Variants in WDR70 observed in about 807,000 individuals in gnomAD.
WDR70 encodes WD repeat-containing protein 70.
Under a neutral mutation model 88.6 loss-of-function variants are expected in WDR70, and 53 were observed. That is an observed-to-expected ratio of 0.60 (90% CI 0.48 to 0.75). The LOEUF (loss-of-function observed/expected upper bound fraction) is 0.75, where lower values mean the gene tolerates loss of function less well. WDR70 is among the 30% of genes least tolerant of loss of function. The pLI is 0.00. For missense variants in WDR70, 610 were observed against 823.2 expected, an observed-to-expected ratio of 0.74 and a Z score of 3.17; for synonymous variants, 280 against 270.0, an observed-to-expected ratio of 1.04 and a Z score of -0.36.
rs182797789 is a variant in WDR70, at chr5:37,710,533, T to C, written c.1416+7446T>C. Among the ~76,000 whole-genome samples the C allele has an allele frequency of 2.1e-3, 323 of 152,298 alleles. 3 individuals carry two copies. Among genetic ancestry groups the C allele is most frequent in the African/African-American group, 7.6e-3 (314 of 41,552 alleles). ...TCCACAGACAGGGCCAGGATTAGGG[T>C]GAGGCAAGTGAGATGCTTTCCTCAA... On this transcript the variant is annotated intron_variant, in intron 13 of 17. Coordinates refer to ENST00000265107, the MANE Select transcript of WDR70 (RefSeq NM_018034.4).
intron 9 of WDR70, among the ~76,000 whole-genome samples, chr5:37,544,250 GT>G (rs1358778872): frequency 3.3e-5 from 5 of 152,126 alleles, no homozygotes; most frequent in Non-Finnish European, 7.3e-5. Context: ...TGGAGAAAGA[GT>G]TCTTTAGTCT....
rs139925070 is a variant in WDR70 at position 37,584,984 on chromosome 5, A to G, written c.918-20080A>G. ...AGTCATCTGTAGTTACAGACATACT[A>G]GATCTTTGTCCACTTTTTTTTTTGG... On this transcript the variant is annotated intron_variant, in intron 9 of 17. Transcript: ENST00000265107. Among the ~76,000 whole-genome samples the G allele has an allele frequency of 6.8e-3, 908 of 133,040 alleles. 9 individuals are homozygous for G. The highest frequency in any genetic ancestry group is 0.022 in the African/African-American group (861 of 39,038). The allele number at this position is 133,040 out of a possible 152,430, so 87.3% of individuals were successfully genotyped here. A position where few individuals can be genotyped will look rare whatever the true frequency, so the allele number is the denominator to read the frequency against.
chr5:37,478,284 C>T (rs566304391), intron 7 of WDR70, among the ~76,000 whole-genome samples: 25 of 152,290 alleles, frequency 1.6e-4, no homozygotes, highest in African/African-American at 4.6e-4. Context: ...TTGCACCTGC[C>T]ATGGCTTCTC....
At chr5:37,627,120 A>T (rs1744690684) in intron 10 of WDR70, among the ~76,000 whole-genome samples, 1 of 151,400 alleles carries the variant, frequency 6.6e-6, no homozygotes, top group African/African-American at 2.4e-5. Context: ...TTAGGGTCTC[A>T]CTCTGTTGCC....
At position 37,637,812 on chromosome 5, in the gene WDR70, A is replaced by T. The variant is rs1254543072; in HGVS notation, c.1092+32574A>T. Among the ~76,000 whole-genome samples, 5 of 152,354 alleles carry T rather than the reference A, an allele frequency of 3.3e-5. No individual in the cohort carries two copies. In the East Asian group the frequency reaches 7.7e-4, roughly 23 times the overall value. On this transcript the variant is annotated intron_variant, in intron 10 of 17. Coordinates refer to ENST00000265107, the MANE Select transcript of WDR70 (RefSeq NM_018034.4). ...ATGCTCACTTTCCTGGCCTCTTTGT[A>T]TTATGAGAATGCAGGTATGCAACCT...
chr5:37,678,935 T>C (rs1581489282), intron 10 of WDR70, among the ~76,000 whole-genome samples: 3 of 152,100 alleles, frequency 2.0e-5, no homozygotes, highest in African/African-American at 7.3e-5. Context: ...TCGTTTCTTT[T>C]TATTCTTTTT....
intron 10 of WDR70, among the ~76,000 whole-genome samples, chr5:37,685,766 G>A (rs1011923279): frequency 6.6e-6 from 1 of 152,158 alleles, no homozygotes; most frequent in African/African-American, 2.4e-5. Flanking sequence ...TGGTTGAAGG[G>A]TCTCTTCCTC....
chr5:37,524,578 G>A (rs1185967775), intron 9 of WDR70, among the ~76,000 whole-genome samples: 4 of 152,104 alleles, frequency 2.6e-5, no homozygotes, highest in Non-Finnish European at 5.9e-5. Flanking sequence ...ATCAACTAAC[G>A]AGCAAAATAA....
intron 13 of WDR70, among the ~76,000 whole-genome samples, chr5:37,720,277 C>G (rs1747769249): frequency 6.6e-6 from 1 of 152,130 alleles, no homozygotes; most frequent in Non-Finnish European, 1.5e-5. Context: ...CTTGTTCTAT[C>G]AGAGTGAGTT....
At chr5:37,685,910 C>G (rs1396178225) in intron 10 of WDR70, among the ~76,000 whole-genome samples, 2 of 152,184 alleles carry the variant, frequency 1.3e-5, no homozygotes, top group African/African-American at 4.8e-5. Flanking sequence ...GCTTCCTCCC[C>G]CTTCAGCCCA....
chr5:37,449,599 AAAAATAAAAAAT>A (rs200572675), intron 7 of WDR70, among the ~76,000 whole-genome samples: 5,350 of 43,632 alleles, frequency 0.12, 156 homozygotes, highest in South Asian at 0.28. Flanking sequence ...TCAAAAAAAA[AAAAATAAAAAAT>A]AAAAAATAAA....
At chr5:37,624,016 C>T (rs1387727976) in intron 10 of WDR70, among the ~76,000 whole-genome samples, 1 of 152,100 alleles carries the variant, frequency 6.6e-6, no homozygotes, top group African/African-American at 2.4e-5. Flanking sequence ...AAGTAACATT[C>T]ATCATCTCAA....
rs541985090 is a variant in WDR70 at position 37,489,448 on chromosome 5, C to T, written c.840+9461C>T. Reference sequence around the variant, plus strand: ...GCTGTGACAGACTGGGCAGCCTGGTCTTCAGACCCCCAGGTGGTACACATA... The same window carrying T: ...GCTGTGACAGACTGGGCAGCCTGGTTTTCAGACCCCCAGGTGGTACACATA... On this transcript the variant is annotated intron_variant, in intron 8 of 17. Coordinates refer to ENST00000265107, the MANE Select transcript of WDR70 (RefSeq NM_018034.4). Among the ~76,000 whole-genome samples, 3 of 152,238 alleles carry T rather than the reference C, an allele frequency of 2.0e-5. No individual in the cohort carries two copies. In the South Asian group the frequency reaches 6.2e-4, roughly 32 times the overall value.
intron 8 of WDR70, among the ~76,000 whole-genome samples, chr5:37,510,050 G>A (rs1467730083): frequency 6.6e-6 from 1 of 150,772 alleles, no homozygotes; most frequent in African/African-American, 2.4e-5. Flanking sequence ...CAGCAACAGA[G>A]TGAGACCCTC....
intron 9 of WDR70, among the ~76,000 whole-genome samples, chr5:37,518,945 C>T (rs1459593824): frequency 6.6e-6 from 1 of 151,988 alleles, no homozygotes; most frequent in Non-Finnish European, 1.5e-5. Flanking sequence ...CTTGCACCAC[C>T]CTTAATCCAT....
chr5:37,620,643 C>T (rs146162718), intron 10 of WDR70, among the ~76,000 whole-genome samples: 4 of 152,096 alleles, frequency 2.6e-5, no homozygotes, highest in East Asian at 1.9e-4. Context: ...CGATTTGTTC[C>T]GTGTTTAAAG....
chr5:37,646,525 A>G (rs1039399744), intron 10 of WDR70, among the ~76,000 whole-genome samples: 2 of 152,124 alleles, frequency 1.3e-5, no homozygotes, highest in African/African-American at 2.4e-5. Flanking sequence ...ATAATCCTTT[A>G]GCATTTCATG....
chr5:37,394,285 CAAAAAA>C (rs199867827), intron 4 of WDR70, among the ~76,000 whole-genome samples: 22,996 of 95,788 alleles, frequency 0.24, 1,770 homozygotes, highest in South Asian at 0.32. Flanking sequence ...GACTCTGTCT[CAAAAAA>C]AAAAAAAAAA....
intron 17 of WDR70, among the ~76,000 whole-genome samples, chr5:37,748,357 T>C (rs1229893606): frequency 6.6e-6 from 1 of 152,162 alleles, no homozygotes; most frequent in Admixed American, 6.5e-5. Flanking sequence ...AGACAAGCAA[T>C]GGGGAAAGGA....
Sources: gnomAD v4.1 joint callset for allele counts (sites outside exome capture counted in the v4.1 genomes callset) on GRCh38, gnomAD v4.1.1 for gene constraint, MANE v1.5 for transcripts, NCBI Gene and HGNC (gene_info 2026-07-23, HGNC 2026-07-21) for gene names.